Variants in NCOA2 observed in about 807,000 individuals in gnomAD.
NCOA2 encodes the protein class E basic helix-loop-helix protein 75.
NCOA2 carries 21 observed loss-of-function variants against 145.1 expected under a neutral mutation model. That is an observed-to-expected ratio of 0.14 (90% CI 0.10 to 0.21). The LOEUF (loss-of-function observed/expected upper bound fraction) is 0.21, where lower values mean the gene tolerates loss of function less well. Among genes scored for constraint, NCOA2 ranks in the 10% least tolerant of loss-of-function variants. The pLI, the probability that NCOA2 is intolerant of heterozygous loss-of-function variation, is 1.00. For missense variants in NCOA2, 1,472 were observed against 1,837.6 expected (o/e 0.80, Z 3.64); for synonymous variants, 619 against 637.5 (o/e 0.97, Z 0.44).
the NCOA2 span, among the ~76,000 whole-genome samples, chr8:70,409,096 T>C: frequency 6.6e-6 from 1 of 152,112 alleles, no homozygotes; most frequent in Admixed American, 6.5e-5. Context: ...TAAAAAACAG[T>C]ATTAAGATGT....
intron 15 of NCOA2, among the ~76,000 whole-genome samples, chr8:70,134,754 T>C (rs943279447): frequency 6.6e-6 from 1 of 152,204 alleles, no homozygotes; most frequent in Non-Finnish European, 1.5e-5. Flanking sequence ...AAATCACTTT[T>C]TGTTACATGC....
chr8:70,256,266 CG>C (rs1194501446), intron 2 of NCOA2, among the ~76,000 whole-genome samples: 4 of 152,108 alleles, frequency 2.6e-5, no homozygotes, highest in Non-Finnish European at 5.9e-5. Context: ...GCTGACAGAA[CG>C]GGAGGCAAGG....
chr8:70,334,645 G>GT (rs1807407220), intron 1 of NCOA2, among the ~76,000 whole-genome samples: 1 of 152,120 alleles, frequency 6.6e-6, no homozygotes. Flanking sequence ...ATCAATCCTA[G>GT]TAACTCACAG....
At chr8:70,314,616 AT>A (rs2136064905) in intron 1 of NCOA2, among the ~76,000 whole-genome samples, 1 of 152,362 alleles carries the variant, frequency 6.6e-6, no homozygotes, top group Admixed American at 6.5e-5. Flanking sequence ...TTTTTTAAAT[AT>A]GAAACCAAGC....
chr8:70,161,816 C>T (rs537307168), intron 9 of NCOA2, among the ~76,000 whole-genome samples: 7 of 152,170 alleles, frequency 4.6e-5, no homozygotes, highest in Admixed American at 6.5e-5. Flanking sequence ...CCTGGCCAAC[C>T]GCACTGCTGG....
chr8:70,110,922 T>C lies in NCOA2; in HGVS notation c.*2710A>G, dbSNP rs1806480592. ...TTTAGTAATATAAGTGAAACACTGA[T>C]TATTTGTTCTATTAAACAAAAACCA... is the stretch of plus-strand genomic sequence containing the variant. On this transcript the variant is annotated 3_prime_UTR_variant, in exon 23 of 23. Coordinates refer to ENST00000452400, the MANE Select transcript of NCOA2 (RefSeq NM_006540.4). The C allele has an allele frequency of 4.5e-6, 1 of 221,302 alleles. No individual in the cohort carries two copies. Among genetic ancestry groups the C allele is most frequent in the Admixed American group, 5.7e-5 (1 of 17,418 alleles). The allele number at this position is 221,302 out of a possible 1,614,324, so 13.7% of individuals were successfully genotyped here. A position where few individuals can be genotyped will look rare whatever the true frequency, so the allele number is the denominator to read the frequency against.
intron 1 of NCOA2, among the ~76,000 whole-genome samples, chr8:70,363,593 A>C (rs1289556627): frequency 2.0e-5 from 3 of 152,186 alleles, no homozygotes; most frequent in East Asian, 3.9e-4. Context: ...ATACTATGAA[A>C]TACTATCAGC....
chr8:70,265,694 C>T (rs1158056696), intron 2 of NCOA2, among the ~76,000 whole-genome samples: 1 of 152,172 alleles, frequency 6.6e-6, no homozygotes. Flanking sequence ...GGAATGCCAT[C>T]CCTACTGTTC....
At chr8:70,380,309 G>A (rs1812069502) in intron 1 of NCOA2, among the ~76,000 whole-genome samples, 1 of 152,114 alleles carries the variant, frequency 6.6e-6, no homozygotes, top group Non-Finnish European at 1.5e-5. Context: ...CTAGGTTTCA[G>A]AACTCAGTTT....
intron 2 of NCOA2, among the ~76,000 whole-genome samples, chr8:70,269,457 A>C (rs1824874620): frequency 6.6e-6 from 1 of 151,986 alleles, no homozygotes; most frequent in Non-Finnish European, 1.5e-5. Context: ...CTCTATCTCT[A>C]AAAAAAATTT....
chr8:70,289,233 T>A (rs1826483275), intron 2 of NCOA2, among the ~76,000 whole-genome samples: 1 of 152,188 alleles, frequency 6.6e-6, no homozygotes, highest in Non-Finnish European at 1.5e-5. Flanking sequence ...CTAGATCAAA[T>A]AGCCTTTTTA....
chr8:70,320,441 T>C (rs1377110776), intron 1 of NCOA2, among the ~76,000 whole-genome samples: 1 of 152,088 alleles, frequency 6.6e-6, no homozygotes, highest in Non-Finnish European at 1.5e-5. Flanking sequence ...AAAAACTCTT[T>C]ATGCAAGGAA....
chr8:70,159,244 T>A (rs5026349), intron 10 of NCOA2, among the ~76,000 whole-genome samples: 11,644 of 69,320 alleles, frequency 0.17, 1,399 homozygotes, highest in South Asian at 0.35. Context: ...ATATATATAT[T>A]TTTTTTTTTT....
chr8:70,221,188 C>T (rs1586154883), intron 2 of NCOA2, among the ~76,000 whole-genome samples: 1 of 152,300 alleles, frequency 6.6e-6, no homozygotes, highest in East Asian at 1.9e-4. Context: ...CCTTTACAAA[C>T]TTTTAAAACC....
intron 14 of NCOA2, among the ~76,000 whole-genome samples, chr8:70,138,944 T>C (rs1353141529): frequency 6.6e-6 from 1 of 152,228 alleles, no homozygotes; most frequent in Non-Finnish European, 1.5e-5. Flanking sequence ...CAACAGTGTT[T>C]TAGGATTAGT....
chr8:70,390,663 A>G (rs897213871), intron 1 of NCOA2, among the ~76,000 whole-genome samples: 2 of 151,888 alleles, frequency 1.3e-5, no homozygotes, highest in Admixed American at 1.3e-4. Context: ...GCTACTCAGG[A>G]GGCAGAGGTG....
intron 1 of NCOA2, among the ~76,000 whole-genome samples, chr8:70,323,734 A>G (rs528237921): frequency 6.6e-6 from 1 of 152,306 alleles, no homozygotes; most frequent in East Asian, 1.9e-4. Context: ...ACTATCTCCA[A>G]TAACCTTTCT....
At position 70,289,718 on chromosome 8, in the gene NCOA2, A is replaced by C. The variant is rs149522811; in HGVS notation, c.-20+7026T>G. ...ATTCCATACACAGTGGCACCACAAA[A>C]GCAACCTTGCATGGAAGCATGCAGT... is the stretch of plus-strand genomic sequence containing the variant. On this transcript the variant is annotated intron_variant, in intron 2 of 22. Transcript: ENST00000452400. Among the ~76,000 whole-genome samples the C allele has an allele frequency of 3.3e-3, 499 of 152,328 alleles. 4 individuals carry two copies. The highest frequency in any genetic ancestry group is 0.017 in the Middle Eastern group (5 of 294).
intron 2 of NCOA2, among the ~76,000 whole-genome samples, chr8:70,274,643 C>G (rs921405850): frequency 1.2e-4 from 19 of 152,154 alleles, no homozygotes; most frequent in African/African-American, 3.9e-4. Flanking sequence ...ATTACAAATA[C>G]AGTCTTTAAT....
Sources: gnomAD v4.1 joint callset for allele counts (sites outside exome capture counted in the v4.1 genomes callset) on GRCh38, gnomAD v4.1.1 for gene constraint, MANE v1.5 for transcripts, NCBI Gene and HGNC (gene_info 2026-07-23, HGNC 2026-07-21) for gene names.